Variants in CHSY3 observed in about 807,000 individuals in gnomAD.
CHSY3 encodes chondroitin sulfate synthase 3.
CHSY3 carries 35 observed loss-of-function variants against 67.2 expected under a neutral mutation model. That is an observed-to-expected ratio of 0.52 (90% CI 0.40 to 0.69). The LOEUF (loss-of-function observed/expected upper bound fraction) is 0.69. CHSY3 is among the 30% of genes least tolerant of loss of function. CHSY3 has a pLI of 0.00. For synonymous variants in CHSY3, 474 were observed against 434.7 expected (o/e 1.09, Z -1.12); for missense variants, 1,069 against 1,138.5 (o/e 0.94, Z 0.88).
At chr5:130,150,493 A>C (rs1433688505) in intron 2 of CHSY3, among the ~76,000 whole-genome samples, 1 of 152,190 alleles carries the variant, frequency 6.6e-6, no homozygotes, top group Non-Finnish European at 1.5e-5. Flanking sequence ...TACTGGAGAA[A>C]TCATTTAAAA....
intron 2 of CHSY3, chr5:130,141,373 G>T: frequency 2.6e-6 from 1 of 382,302 alleles, no homozygotes; most frequent in South Asian, 2.4e-5. Flanking sequence ...CCATGACCAA[G>T]GACAACAACC....
intron 2 of CHSY3, among the ~76,000 whole-genome samples, chr5:129,963,447 A>G (rs1317466109): frequency 2.0e-5 from 3 of 152,012 alleles, no homozygotes; most frequent in Non-Finnish European, 4.4e-5. Context: ...GCTTCCCCTC[A>G]TGGGACTGGT....
chr5:130,120,286 T>G (rs2149708394), intron 2 of CHSY3, among the ~76,000 whole-genome samples: 1 of 152,206 alleles, frequency 6.6e-6, no homozygotes. Flanking sequence ...TCCTGCCATT[T>G]TTTTTCTTTT....
At chr5:130,049,701 T>C (rs535450996) in intron 2 of CHSY3, among the ~76,000 whole-genome samples, 2 of 152,156 alleles carry the variant, frequency 1.3e-5, no homozygotes, top group Non-Finnish European at 2.9e-5. Flanking sequence ...AATTAATTGG[T>C]ACATAATTGG....
At chr5:130,141,360 G>T in intron 2 of CHSY3, 1 of 380,286 alleles carries the variant, frequency 2.6e-6, no homozygotes, top group Admixed American at 3.4e-5. Context: ...CAAGGAGAGA[G>T]TGCCATGACC....
intron 2 of CHSY3, among the ~76,000 whole-genome samples, chr5:129,938,409 C>T (rs1043171597): frequency 6.6e-6 from 1 of 152,224 alleles, no homozygotes; most frequent in African/African-American, 2.4e-5. Flanking sequence ...ACTTGAATTT[C>T]TCCCCAGAAA....
chr5:130,048,604 A>G (rs1765226598), intron 2 of CHSY3, among the ~76,000 whole-genome samples: 1 of 152,032 alleles, frequency 6.6e-6, no homozygotes, highest in South Asian at 2.1e-4. Flanking sequence ...GTTAGGGAAG[A>G]AACAACTTCC....
chr5:129,920,947 CA>C (rs1458728030), intron 2 of CHSY3, among the ~76,000 whole-genome samples: 1 of 152,100 alleles, frequency 6.6e-6, no homozygotes, highest in African/African-American at 2.4e-5. Context: ...GCCTCCTGAG[CA>C]GCTGAGACTG....
intron 2 of CHSY3, among the ~76,000 whole-genome samples, chr5:130,166,889 A>G (rs1198572059): frequency 6.6e-6 from 1 of 152,110 alleles, no homozygotes; most frequent in Non-Finnish European, 1.5e-5. Context: ...TAATGGAGAA[A>G]GAGTTTTAAG....
chr5:130,037,402 G>A (rs1764890619), intron 2 of CHSY3, among the ~76,000 whole-genome samples: 1 of 152,094 alleles, frequency 6.6e-6, no homozygotes, highest in Non-Finnish European at 1.5e-5. Context: ...GGCTGTTAGA[G>A]TTGGCGAAAT....
chr5:130,162,774 A>AAT (rs1769595810), intron 2 of CHSY3, among the ~76,000 whole-genome samples: 1 of 152,144 alleles, frequency 6.6e-6, no homozygotes, highest in East Asian at 1.9e-4. Context: ...AACTGTGAGG[A>AAT]AGGACACCCT....
At position 130,118,174 on chromosome 5, in the gene CHSY3, C is replaced by A. The variant is rs1397181160; in HGVS notation, c.1087-66055C>A. 1.3e-5 allele frequency among the ~76,000 whole-genome samples: 2 copies of A among 152,186 alleles called. 1 individual carries two copies. Among genetic ancestry groups the A allele is most frequent in the Non-Finnish European group, 2.9e-5 (2 of 68,042 alleles). ...CACATCTTGTACAGCATGTAGAACT[C>A]TGAGCCAATTAAACAGTTTTTCCTT... On this transcript the variant is annotated intron_variant, in intron 2 of 2. Coordinates refer to ENST00000305031, the MANE Select transcript of CHSY3 (RefSeq NM_175856.5).
intron 2 of CHSY3, among the ~76,000 whole-genome samples, chr5:129,917,234 A>ATT: frequency 6.6e-6 from 1 of 152,338 alleles, no homozygotes; most frequent in Non-Finnish European, 1.5e-5. Context: ...ACAATGGGTC[A>ATT]GCCCTCATAT....
chr5:129,948,867 A>G (rs557314758), intron 2 of CHSY3, among the ~76,000 whole-genome samples: 3 of 152,222 alleles, frequency 2.0e-5, no homozygotes, highest in Admixed American at 6.5e-5. Context: ...TATTATGGCC[A>G]TTCTTGCAGT....
At chr5:129,929,654 A>G (rs1212176525) in intron 2 of CHSY3, among the ~76,000 whole-genome samples, 4 of 152,232 alleles carry the variant, frequency 2.6e-5, no homozygotes, top group Admixed American at 6.5e-5. Context: ...GCAAAAATAA[A>G]AAAAAACCAC....
At chr5:130,103,053 T>C (rs568541836) in intron 2 of CHSY3, among the ~76,000 whole-genome samples, 90 of 152,160 alleles carry the variant, frequency 5.9e-4, no homozygotes, top group African/African-American at 2.1e-3. Flanking sequence ...CTACTTAGTC[T>C]CCTTGTGCCT....
At chr5:129,981,677 C>T (rs1762989004) in intron 2 of CHSY3, among the ~76,000 whole-genome samples, 4 of 152,048 alleles carry the variant, frequency 2.6e-5, no homozygotes, top group Admixed American at 2.6e-4. Flanking sequence ...AGCAACATGC[C>T]TGGCCAAATC....
At chr5:130,042,486 A>G (rs764615313) in intron 2 of CHSY3, among the ~76,000 whole-genome samples, 2 of 150,672 alleles carry the variant, frequency 1.3e-5, no homozygotes, top group Non-Finnish European at 2.9e-5. Flanking sequence ...TCCTTTGTCT[A>G]TTGGTTTTAA....
At chr5:130,015,773 A>G (rs549581409) in intron 2 of CHSY3, among the ~76,000 whole-genome samples, 1 of 152,364 alleles carries the variant, frequency 6.6e-6, no homozygotes, top group East Asian at 1.9e-4. Flanking sequence ...CTGTAAAGAT[A>G]CATGCCCCTG....
Sources: gnomAD v4.1 joint callset for allele counts (sites outside exome capture counted in the v4.1 genomes callset) on GRCh38, gnomAD v4.1.1 for gene constraint, MANE v1.5 for transcripts, NCBI Gene and HGNC (gene_info 2026-07-23, HGNC 2026-07-21) for gene names.